GPATCH8: variants seen among roughly 807,000 people sequenced by gnomAD.
The protein encoded by GPATCH8 is G-patch domain containing 8.
Under a neutral mutation model 118.3 loss-of-function variants are expected in GPATCH8, and 18 were observed. The observed-to-expected ratio is 0.15, with a 90% CI of 0.11 to 0.23. The LOEUF (loss-of-function observed/expected upper bound fraction) is 0.23. Ranked by LOEUF, GPATCH8 falls within the 10% of genes least tolerant of loss-of-function variation. The probability of loss-of-function intolerance (pLI) is 1.00; values close to 1 mark genes in which losing one functional copy is unlikely to be tolerated. For missense variants in GPATCH8, 1,631 were observed against 1,873.8 expected, an observed-to-expected ratio of 0.87 and a Z score of 2.39; for synonymous variants, 659 against 684.7, an observed-to-expected ratio of 0.96 and a Z score of 0.59.
intron 3 of GPATCH8, among the ~76,000 whole-genome samples, chr17:44,438,225 T>C (rs1247898279): frequency 2.0e-5 from 3 of 152,100 alleles, no homozygotes; most frequent in African/African-American, 7.2e-5. Context: ...GTCAAAGCAA[T>C]TTATTTTGGT....
intron 3 of GPATCH8, among the ~76,000 whole-genome samples, chr17:44,438,276 G>A (rs1316222379): frequency 6.6e-6 from 1 of 152,110 alleles, no homozygotes; most frequent in Non-Finnish European, 1.5e-5. Context: ...CAAGAATCAA[G>A]AAAGTTTTGG....
At chr17:44,442,321 A>G (rs561954092) in intron 3 of GPATCH8, among the ~76,000 whole-genome samples, 24 of 152,028 alleles carry the variant, frequency 1.6e-4, no homozygotes, top group South Asian at 1.5e-3. Flanking sequence ...AGAATGAGAG[A>G]AAACAGAACA....
At chr17:44,419,795 G>GGATT (rs1416233932) in intron 6 of GPATCH8, among the ~76,000 whole-genome samples, 2 of 152,192 alleles carry the variant, frequency 1.3e-5, no homozygotes, top group East Asian at 3.9e-4. Context: ...TCAGTAGCTG[G>GGATT]GATTATAGGC....
rs561617530 is a variant in GPATCH8 at position 44,396,263 on chromosome 17, C to T, written c.*1305G>A. ...CCCAGACAATCACCAAATCTCACTG[C>T]TTCCAGACAATAAAGCTGTTGAATC... is the stretch of plus-strand genomic sequence containing the variant. On this transcript the variant is annotated 3_prime_UTR_variant, in exon 8 of 8. Coordinates refer to ENST00000591680, the MANE Select transcript of GPATCH8 (RefSeq NM_001002909.4). 2.2e-6 allele frequency: 1 copy of T among 454,536 alleles called. No homozygotes were observed. The highest frequency in any genetic ancestry group is 2.0e-5 in the African/African-American group (1 of 50,104). The allele number at this position is 454,536 out of a possible 1,614,324, so 28.2% of individuals were successfully genotyped here. A position where few individuals can be genotyped will look rare whatever the true frequency, so the allele number is the denominator to read the frequency against.
intron 3 of GPATCH8, among the ~76,000 whole-genome samples, chr17:44,462,387 T>C (rs943747454): frequency 6.6e-5 from 10 of 152,144 alleles, no homozygotes; most frequent in Non-Finnish European, 1.2e-4. Context: ...TGGGACAAAT[T>C]CTATCAAAAA....
chr17:44,475,424 C>T (rs1302145213), intron 1 of GPATCH8, among the ~76,000 whole-genome samples: 1 of 150,794 alleles, frequency 6.6e-6, no homozygotes, highest in Non-Finnish European at 1.5e-5. Context: ...AAAGGCCGGG[C>T]GCGGTGGCTC....
intron 1 of GPATCH8, among the ~76,000 whole-genome samples, chr17:44,494,182 C>T (rs1311410198): frequency 5.3e-5 from 8 of 152,174 alleles, no homozygotes; most frequent in Non-Finnish European, 1.2e-4. Flanking sequence ...AAGTCTTAAA[C>T]CCCATCAGAA....
intron 3 of GPATCH8, among the ~76,000 whole-genome samples, chr17:44,456,888 C>T (rs2051354444): frequency 6.6e-6 from 1 of 151,316 alleles, no homozygotes; most frequent in African/African-American, 2.4e-5. Context: ...TTTTGAGACA[C>T]AGTCTCGCTC....
chr17:44,475,104 C>T (rs886457480), intron 1 of GPATCH8, among the ~76,000 whole-genome samples: 2 of 152,044 alleles, frequency 1.3e-5, no homozygotes, highest in Admixed American at 1.3e-4. Context: ...ATGGGTCAGG[C>T]GTGGTGGCTC....
chr17:44,483,170 AAAAAAAATATATATATATATAT>A (rs1424322574), intron 1 of GPATCH8, among the ~76,000 whole-genome samples: 2 of 21,860 alleles, frequency 9.1e-5, no homozygotes, highest in Non-Finnish European at 2.1e-4. Context: ...AAAAAAAAAA[AAAAAAAATATATATATATATAT>A]ATATATATAT....
intron 1 of GPATCH8, among the ~76,000 whole-genome samples, chr17:44,500,039 G>A (rs1969946011): frequency 6.6e-6 from 1 of 152,248 alleles, no homozygotes; most frequent in South Asian, 2.1e-4. Context: ...GAAAGAGACA[G>A]ATCTGGACAA....
intron 5 of GPATCH8, 48 bp downstream of exon 5, chr17:44,435,017 T>C: frequency 2.4e-6 from 2 of 842,768 alleles, no homozygotes; most frequent in East Asian, 2.4e-5. Context: ...TTCTTTCTTA[T>C]TCAGTGAGCA....
At chr17:44,445,320 T>C (rs1277033985) in intron 3 of GPATCH8, among the ~76,000 whole-genome samples, 1 of 152,190 alleles carries the variant, frequency 6.6e-6, no homozygotes, top group Non-Finnish European at 1.5e-5. Context: ...AATGGTGTTT[T>C]CCAGGAAATT....
At chr17:44,435,954 G>A (rs957373943) in intron 4 of GPATCH8, among the ~76,000 whole-genome samples, 3 of 148,818 alleles carry the variant, frequency 2.0e-5, no homozygotes, top group Non-Finnish European at 3.0e-5. Flanking sequence ...CCTTGAACCC[G>A]GGAGACGGAG....
At chr17:44,470,278 G>A (rs1171494703) in intron 2 of GPATCH8, among the ~76,000 whole-genome samples, 8 of 152,152 alleles carry the variant, frequency 5.3e-5, no homozygotes, top group African/African-American at 1.9e-4. Flanking sequence ...CTGGAGTGCA[G>A]TGGCACGATC....
chr17:44,402,324 CAAAAAAAA>C (rs61316944), intron 7 of GPATCH8, among the ~76,000 whole-genome samples: 1 of 41,904 alleles, frequency 2.4e-5, no homozygotes, highest in Non-Finnish European at 5.0e-5. Context: ...GACTCTGTCT[CAAAAAAAA>C]AAAAAAAAAA....
intron 2 of GPATCH8, among the ~76,000 whole-genome samples, chr17:44,466,433 T>C (rs567021391): frequency 3.3e-4 from 51 of 152,332 alleles, no homozygotes; most frequent in Non-Finnish European, 7.3e-4. Context: ...TTTTGCTCTA[T>C]ACCATTTGAA....
chr17:44,414,445 C>G (rs1214400107), intron 6 of GPATCH8, among the ~76,000 whole-genome samples: 3 of 151,936 alleles, frequency 2.0e-5, no homozygotes, highest in Admixed American at 6.6e-5. Flanking sequence ...ACAGCAGGGA[C>G]TACAGATGCA....
chr17:44,398,457 G>A lies in GPATCH8; in HGVS notation c.3620C>T (p.Pro1207Leu), dbSNP rs1006809745. 20 of 1,612,472 alleles carry A rather than the reference G, an allele frequency of 1.2e-5. No homozygotes were observed. The East Asian group carries it at 4.2e-4, about 34-fold the overall frequency. ...AGCTTCTCCAGACTTTGACTCTTCT[G>A]GGGGTGGGTCTAATAAGGGGCCAGT... Reference protein sequence around the residue: ...ETTGPLLDPPPEESKSGEATA... With the variant: ...ETTGPLLDPPLEESKSGEATA... Residue 1207 changes from proline to leucine, a missense_variant, in exon 8 of 8, where the codon CCA becomes CTA. Coordinates refer to ENST00000591680, the MANE Select transcript of GPATCH8 (RefSeq NM_001002909.4).
Sources: gnomAD v4.1 joint callset for allele counts (sites outside exome capture counted in the v4.1 genomes callset) on GRCh38, gnomAD v4.1.1 for gene constraint, MANE v1.5 for transcripts, NCBI Gene and HGNC (gene_info 2026-07-23, HGNC 2026-07-21) for gene names.